AKAP13: variants seen among roughly 807,000 people sequenced by gnomAD.
The protein encoded by AKAP13 is A-kinase anchoring protein 13.
AKAP13 carries 80 observed loss-of-function variants against 264.5 expected under a neutral mutation model. The observed-to-expected ratio is 0.30, with a 90% CI of 0.25 to 0.36. The LOEUF is 0.36. Ranked by LOEUF, AKAP13 falls within the 10% of genes least tolerant of loss-of-function variation. The pLI is 1.00. For synonymous variants in AKAP13, 1,380 were observed against 1,250.2 expected (o/e 1.10, Z -2.19); for missense variants, 3,712 against 3,435.2 (o/e 1.08, Z -2.01).
intron 2 of AKAP13, among the ~76,000 whole-genome samples, chr15:85,492,588 T>G (rs1263661768): frequency 6.6e-6 from 1 of 152,244 alleles, no homozygotes; most frequent in East Asian, 1.9e-4. Flanking sequence ...ATGAAGACAT[T>G]CTGCTTCATA....
intron 1 of AKAP13, among the ~76,000 whole-genome samples, chr15:85,457,526 G>A (rs1484309564): frequency 6.6e-6 from 1 of 152,146 alleles, no homozygotes; most frequent in African/African-American, 2.4e-5. Flanking sequence ...ATTGGAGAGC[G>A]CCTAGCTCAG....
intron 35 of AKAP13, among the ~76,000 whole-genome samples, 153 bp from the exon 36 acceptor site, chr15:85,743,339 C>A (rs1012910447): frequency 4.6e-5 from 7 of 152,178 alleles, no homozygotes; most frequent in Non-Finnish European, 8.8e-5. Flanking sequence ...CCTTCAAGCT[C>A]TATGCAGTCC....
chr15:85,743,299 ATAC>A (rs1411301207), intron 35 of AKAP13, among the ~76,000 whole-genome samples, 190 bp from the exon 36 acceptor site: 1 of 152,126 alleles, frequency 6.6e-6, no homozygotes, highest in African/African-American at 2.4e-5. Flanking sequence ...ATGTTTATAG[ATAC>A]TACTTGGGGG....
intron 13 of AKAP13, among the ~76,000 whole-genome samples, chr15:85,667,040 A>T (rs1385692979): frequency 3.3e-5 from 5 of 151,596 alleles, no homozygotes; most frequent in Non-Finnish European, 5.9e-5. Context: ...CTTACAATTT[A>T]AAAAAAAACT....
intron 8 of AKAP13, among the ~76,000 whole-genome samples, chr15:85,631,107 A>G (rs755400259): frequency 3.3e-5 from 5 of 152,224 alleles, no homozygotes; most frequent in Non-Finnish European, 7.3e-5. Flanking sequence ...AAAGAAGTAA[A>G]GTACTGTTAC....
rs113451245 is a variant in AKAP13 at position 85,516,387 on chromosome 15, C to T, written c.34-5041C>T. Among the ~76,000 whole-genome samples, 103 of 152,294 alleles carry T rather than the reference C, an allele frequency of 6.8e-4. 2 individuals are homozygous for T. Among genetic ancestry groups the T allele is most frequent in the African/African-American group, 2.1e-3 (87 of 41,548 alleles). Reference sequence around the variant, plus strand: ...GTGATATACCATACTGTGATAAAGACACAGGCAGGTTGGTGTCAGAGATCA... The same window carrying T: ...GTGATATACCATACTGTGATAAAGATACAGGCAGGTTGGTGTCAGAGATCA... On this transcript the variant is annotated intron_variant, in intron 2 of 36. Coordinates refer to ENST00000394518, the MANE Select transcript of AKAP13 (RefSeq NM_007200.5).
At chr15:85,511,597 C>T (rs1281283774) in intron 2 of AKAP13, among the ~76,000 whole-genome samples, 3 of 152,094 alleles carry the variant, frequency 2.0e-5, no homozygotes, top group Non-Finnish European at 4.4e-5. Context: ...ATCTTCCAGT[C>T]CCATCCAGTC....
intron 5 of AKAP13, among the ~76,000 whole-genome samples, chr15:85,545,059 A>C (rs1281721745): frequency 6.6e-6 from 1 of 152,196 alleles, no homozygotes; most frequent in Non-Finnish European, 1.5e-5. Flanking sequence ...TTCTTTGCAG[A>C]AAGCTTTCTG....
At chr15:85,398,473 G>A (rs2071229712) in intron 1 of AKAP13, among the ~76,000 whole-genome samples, 1 of 152,142 alleles carries the variant, frequency 6.6e-6, no homozygotes, top group African/African-American at 2.4e-5. Context: ...GCCCATATGT[G>A]GACTAGCCAT....
intron 7 of AKAP13, 116 bp downstream of exon 7, chr15:85,582,223 G>C: frequency 8.5e-7 from 1 of 1,182,176 alleles, no homozygotes; most frequent in Admixed American, 2.9e-5. Flanking sequence ...TGCACTCATT[G>C]GGTAGGTAGC....
At chr15:85,621,704 C>A (rs930068301) in intron 8 of AKAP13, among the ~76,000 whole-genome samples, 4 of 152,126 alleles carry the variant, frequency 2.6e-5, no homozygotes, top group African/African-American at 7.2e-5. Context: ...TGAAGCACTT[C>A]CATATACGTT....
chr15:85,597,114 C>T (rs977980620), intron 8 of AKAP13, among the ~76,000 whole-genome samples: 1 of 152,288 alleles, frequency 6.6e-6, no homozygotes, highest in Admixed American at 6.5e-5. Context: ...ATTTAGAGGT[C>T]TTTTCTATTT....
chr15:85,646,520 G>A (rs955230721), intron 10 of AKAP13, among the ~76,000 whole-genome samples: 2 of 152,250 alleles, frequency 1.3e-5, no homozygotes, highest in South Asian at 4.2e-4. Context: ...AGCTCACTTG[G>A]GAGTCAGAAG....
intron 5 of AKAP13, among the ~76,000 whole-genome samples, chr15:85,561,840 G>A (rs1022704547): frequency 1.3e-5 from 2 of 152,192 alleles, no homozygotes; most frequent in Non-Finnish European, 2.9e-5. Flanking sequence ...ACTAACTTCT[G>A]TACCCATATC....
At chr15:85,517,835 C>T (rs2076663720) in intron 2 of AKAP13, among the ~76,000 whole-genome samples, 1 of 151,880 alleles carries the variant, frequency 6.6e-6, no homozygotes, top group African/African-American at 2.4e-5. Context: ...TAATTAGGAC[C>T]CTGAAAAAAT....
chr15:85,446,964 T>G (rs1267415029), intron 1 of AKAP13, among the ~76,000 whole-genome samples: 1 of 152,166 alleles, frequency 6.6e-6, no homozygotes, highest in Non-Finnish European at 1.5e-5. Context: ...GCTACTGATT[T>G]GCTTTTTAAA....
intron 5 of AKAP13, among the ~76,000 whole-genome samples, chr15:85,570,789 G>A (rs1026846396): frequency 3.3e-5 from 5 of 152,274 alleles, no homozygotes; most frequent in Middle Eastern, 6.8e-3. Context: ...GATTCCTACC[G>A]CTGGAGTGGG....
intron 8 of AKAP13, 66 bp from the exon 9 acceptor site, chr15:85,639,308 T>C: frequency 1.8e-6 from 2 of 1,083,406 alleles, no homozygotes; most frequent in Non-Finnish European, 2.8e-6. Flanking sequence ...GACATAATTT[T>C]GGCACCTGTA....
chr15:85,399,295 G>A lies in AKAP13; in HGVS notation c.-12+18497G>A, dbSNP rs374877648. On this transcript the variant is annotated intron_variant, in intron 1 of 36. Transcript: ENST00000394518. ...GTGGATCATGAGGTCAGGAGATCGAGACCATCCTGGCTAACAAGGTGAAAC... is the reference window on the plus strand; with the variant it reads ...GTGGATCATGAGGTCAGGAGATCGAAACCATCCTGGCTAACAAGGTGAAAC... Among the ~76,000 whole-genome samples the A allele has an allele frequency of 2.7e-3, 402 of 151,086 alleles. 2 individuals are homozygous for A. The highest frequency in any genetic ancestry group is 9.0e-3 in the African/African-American group (371 of 41,060).
Sources: allele counts gnomAD v4.1 joint callset (sites outside exome capture counted in the v4.1 genomes callset), GRCh38; gene constraint gnomAD v4.1.1; transcripts MANE v1.5; gene names NCBI Gene and HGNC (gene_info 2026-07-23, HGNC 2026-07-21).